PIAS2: variants seen among roughly 807,000 people sequenced by gnomAD.
PIAS2 encodes the protein protein inhibitor of activated STAT 2.
A neutral mutation model predicts 69.7 loss-of-function variants in PIAS2; 19 were observed. The observed-to-expected ratio is 0.27, with a 90% CI of 0.19 to 0.40. The LOEUF (loss-of-function observed/expected upper bound fraction) is 0.40. PIAS2 is among the 10% of genes least tolerant of loss of function. The pLI is 1.00. For missense variants in PIAS2, 624 were observed against 757.0 expected (o/e 0.82, Z 2.06); for synonymous variants, 261 against 263.2 (o/e 0.99, Z 0.08).
intron 2 of PIAS2, among the ~76,000 whole-genome samples, chr18:46,876,770 C>T (rs574895345): frequency 6.6e-6 from 1 of 151,522 alleles, no homozygotes; most frequent in East Asian, 1.9e-4. Context: ...TATCTCAACT[C>T]ACTGCAAGCT....
At chr18:46,870,991 A>G (rs1381018462) in intron 2 of PIAS2, among the ~76,000 whole-genome samples, 1 of 152,210 alleles carries the variant, frequency 6.6e-6, no homozygotes, top group Non-Finnish European at 1.5e-5. Flanking sequence ...AGCATTCCAT[A>G]TACAACAAAG....
intron 2 of PIAS2, among the ~76,000 whole-genome samples, chr18:46,869,115 T>C (rs1342008805): frequency 6.6e-6 from 1 of 152,244 alleles, no homozygotes; most frequent in Admixed American, 6.5e-5. Context: ...TCTGCAGTTC[T>C]GTGGTCACCT....
In PIAS2 at chr18:46,827,943, C is replaced by T; in HGVS notation, c.1508+16G>A. On this transcript the variant is annotated intron_variant, in intron 11 of 13. Transcript: ENST00000585916. ...TGCAAGGGTAATGAACAATAGTGAACTATAAATTAACAAACCCTTTGGTTG... is the reference window on the plus strand; with the variant it reads ...TGCAAGGGTAATGAACAATAGTGAATTATAAATTAACAAACCCTTTGGTTG... The T allele has an allele frequency of 6.2e-7, 1 of 1,611,172 alleles. No homozygotes were observed. Among genetic ancestry groups the T allele is most frequent in the South Asian group, 1.1e-5 (1 of 90,878 alleles).
At chr18:46,814,541 CAT>C (rs747142844) in intron 13 of PIAS2, among the ~76,000 whole-genome samples, 10 of 152,168 alleles carry the variant, frequency 6.6e-5, no homozygotes, top group Non-Finnish European at 1.3e-4. Context: ...TGCTGCTGTT[CAT>C]GTAATCAGAT....
intron 5 of PIAS2, among the ~76,000 whole-genome samples, chr18:46,851,575 C>A (rs1300232593): frequency 6.6e-6 from 1 of 152,210 alleles, no homozygotes; most frequent in Non-Finnish European, 1.5e-5. Context: ...GTCCACACTG[C>A]ATGTCACCAT....
rs963367534 is a variant in PIAS2 at position 46,808,018 on chromosome 18, T to G, written c.*4415A>C. ...AATTTATACACAAAGACATTCATTG[T>G]GGCATTATGAGATATAATCTAAACT... is the stretch of plus-strand genomic sequence containing the variant. On this transcript the variant is annotated 3_prime_UTR_variant, in exon 14 of 14. Transcript: ENST00000585916. 6 of 152,246 alleles carry G rather than the reference T, an allele frequency of 3.9e-5. No individual in the cohort carries two copies. Among genetic ancestry groups the G allele is most frequent in the African/African-American group, 1.4e-4 (6 of 41,472 alleles). 9.4% of individuals were successfully genotyped at this position (152,246 alleles called of 1,614,324 possible). A position where few individuals can be genotyped will look rare whatever the true frequency, so the allele number is the denominator to read the frequency against.
chr18:46,878,101 A>G (rs1192741816), intron 2 of PIAS2, among the ~76,000 whole-genome samples: 3 of 152,188 alleles, frequency 2.0e-5, no homozygotes, highest in African/African-American at 7.2e-5. Context: ...AAACTTAACT[A>G]GACCAGAATA....
Position 46,890,960 on chromosome 18 carries a change from C to G in PIAS2, c.119G>C (p.Arg40Thr). 1 of 1,614,072 alleles carries G rather than the reference C, an allele frequency of 6.2e-7. No homozygotes were observed. Among genetic ancestry groups the G allele is most frequent in the Non-Finnish European group, 8.5e-7 (1 of 1,179,992 alleles). ...GCCGCTCTTCAATAAATGCAGCGCC[C>G]TCATCAGGAGGTCATGCTTGCGTCC... Reference protein sequence around the residue: ...KSGRKHDLLMRALHLLKSGCS... With the variant: ...KSGRKHDLLMTALHLLKSGCS... Residue 40 changes from arginine to threonine, a missense_variant, in exon 2 of 14, where the codon AGG becomes ACG. By Grantham distance (71) the Arg-to-Thr change is moderately conservative. Coordinates refer to ENST00000585916, the MANE Select transcript of PIAS2 (RefSeq NM_004671.5).
At chr18:46,874,759 T>C (rs1032669680) in intron 2 of PIAS2, among the ~76,000 whole-genome samples, 2 of 152,186 alleles carry the variant, frequency 1.3e-5, no homozygotes, top group East Asian at 1.9e-4. Flanking sequence ...TTCCACTTTC[T>C]CTTCCCTCAG....
chr18:46,836,821 T>C (rs1455731019), intron 8 of PIAS2, among the ~76,000 whole-genome samples: 2 of 152,196 alleles, frequency 1.3e-5, no homozygotes, highest in African/African-American at 4.8e-5. Context: ...GAACCACTGT[T>C]ATCCATCTCT....
At chr18:46,879,567 A>G (rs181683205) in intron 2 of PIAS2, among the ~76,000 whole-genome samples, 15 of 152,330 alleles carry the variant, frequency 9.8e-5, no homozygotes, top group Middle Eastern at 3.4e-3. Flanking sequence ...GTGTATACTC[A>G]TAAGAATTAA....
At position 46,810,422 on chromosome 18, in the gene PIAS2, C is replaced by G. The variant is rs1212348510; in HGVS notation, c.*2011G>C. 2 of 152,038 alleles carry G rather than the reference C, an allele frequency of 1.3e-5. No individual in the cohort carries two copies. Among genetic ancestry groups the G allele is most frequent in the Admixed American group, 6.6e-5 (1 of 15,262 alleles). 9.4% of individuals were successfully genotyped at this position (152,038 alleles called of 1,614,324 possible). On this transcript the variant is annotated 3_prime_UTR_variant, in exon 14 of 14. Coordinates refer to ENST00000585916, the MANE Select transcript of PIAS2 (RefSeq NM_004671.5). ...AGTTTTTTCTATCTGATTACAGAGT[C>G]AATAAATATTGCATCTGTATTTAGA...
At chr18:46,864,781 A>T (rs1457333236) in intron 2 of PIAS2, among the ~76,000 whole-genome samples, 1 of 151,952 alleles carries the variant, frequency 6.6e-6, no homozygotes, top group Non-Finnish European at 1.5e-5. Flanking sequence ...AAAAAAAAAA[A>T]AAATACTAAT....
At chr18:46,818,404 T>C in intron 12 of PIAS2, 1 of 1,588,600 alleles carries the variant, frequency 6.3e-7, no homozygotes, top group South Asian at 1.2e-5. Context: ...CAGAAGATGT[T>C]CCAAGCTTCA....
chr18:46,906,763 T>C (rs1013575926), intron 1 of PIAS2, among the ~76,000 whole-genome samples: 1 of 46,052 alleles, frequency 2.2e-5, no homozygotes. Flanking sequence ...ACAAGATGTA[T>C]GTGTGTGTGT....
intron 10 of PIAS2, 105 bp from the exon 11 acceptor site, chr18:46,828,235 T>C (rs778844135): frequency 6.0e-6 from 6 of 996,000 alleles, no homozygotes; most frequent in African/African-American, 1.6e-5. Context: ...TGACAACATA[T>C]AGCCAGTGAA....
intron 3 of PIAS2, among the ~76,000 whole-genome samples, 198 bp from the exon 4 acceptor site, chr18:46,855,813 C>G (rs1008424647): frequency 6.6e-6 from 1 of 152,046 alleles, no homozygotes; most frequent in Non-Finnish European, 1.5e-5. Context: ...CTTCTAGCCA[C>G]GTCTTTATGG....
chr18:46,886,607 G>A (rs1033225306), intron 2 of PIAS2, among the ~76,000 whole-genome samples: 2 of 152,164 alleles, frequency 1.3e-5, no homozygotes, highest in South Asian at 4.1e-4. Context: ...GGAGGCCAAG[G>A]CGGGTGGATC....
At position 46,812,506 on chromosome 18, in the gene PIAS2, G is replaced by A. The variant is rs2041071076; in HGVS notation, c.1793C>T (p.Ser598Phe). ...SHESSTHVSS[S>F]SSRSETGVIT... ...GACCCCTGTCTCACTCCTGCTGCTG[G>A]ATGAACTAACATGAGTACTGCTTTC... is the stretch of plus-strand genomic sequence containing the variant. Residue 598 changes from serine to phenylalanine, a missense_variant, in exon 14 of 14, where the codon TCC becomes TTC. Around this residue, in one of 3 missense-constraint regions of PIAS2, gnomAD observed 241 missense variants for 257.3 expected, o/e 0.94. Transcript: ENST00000585916. 1.2e-6 allele frequency: 2 copies of A among 1,612,690 alleles called. No individual in the cohort carries two copies. The highest frequency in any genetic ancestry group is 1.7e-6 in the Non-Finnish European group (2 of 1,178,732).
Sources: allele counts gnomAD v4.1 joint callset (sites outside exome capture counted in the v4.1 genomes callset), GRCh38; gene constraint gnomAD v4.1.1; regional missense constraint gnomAD v4.1.1; transcripts MANE v1.5; gene names NCBI Gene and HGNC (gene_info 2026-07-23, HGNC 2026-07-21).